The following ELOVL6 variants were observed in gnomAD, a reference collection of about 807,000 sequenced individuals.
ELOVL6 encodes the protein very long chain fatty acid elongase 6.
A neutral mutation model predicts 31.7 loss-of-function variants in ELOVL6; 8 were observed. The observed-to-expected ratio is 0.25, with a 90% confidence interval of 0.15 to 0.45. The LOEUF (loss-of-function observed/expected upper bound fraction) is 0.45. Among genes scored for constraint, ELOVL6 ranks in the 20% least tolerant of loss-of-function variants. The probability of loss-of-function intolerance (pLI) is 1.00; values close to 1 mark genes in which losing one functional copy is unlikely to be tolerated. For missense variants in ELOVL6, 126 were observed against 326.4 expected (o/e 0.39, Z 4.73); for synonymous variants, 101 against 117.7 (o/e 0.86, Z 0.92).
intron 1 of ELOVL6, among the ~76,000 whole-genome samples, chr4:110,186,820 A>ATATAT (rs1475836486): frequency 1.7e-3 from 163 of 94,606 alleles, no homozygotes; most frequent in Admixed American, 4.0e-3. Context: ...AAAAAAAAAA[A>ATATAT]AAATATATAT....
At chr4:110,106,666 A>G (rs6838079) in intron 1 of ELOVL6, among the ~76,000 whole-genome samples, 73,186 of 151,760 alleles carry the variant, frequency 0.48, 19,729 homozygotes, top group East Asian at 0.82. Context: ...CTTCTTAACT[A>G]TATCCTGTTT....
intron 1 of ELOVL6, among the ~76,000 whole-genome samples, chr4:110,157,917 G>A (rs1388322379): frequency 1.3e-5 from 2 of 152,152 alleles, no homozygotes; most frequent in Non-Finnish European, 2.9e-5. Flanking sequence ...CCAGCACTTT[G>A]TCTTTGACAG....
intron 1 of ELOVL6, among the ~76,000 whole-genome samples, chr4:110,122,900 CT>C (rs758641775): frequency 6.6e-6 from 1 of 152,200 alleles, no homozygotes; most frequent in Non-Finnish European, 1.5e-5. Flanking sequence ...AAGATACTCC[CT>C]GACTGCTTCT....
chr4:110,094,409 A>T (rs1560820537), intron 2 of ELOVL6, among the ~76,000 whole-genome samples: 1 of 41,066 alleles, frequency 2.4e-5, no homozygotes, highest in African/African-American at 1.3e-4. Flanking sequence ...AAAGAAATAT[A>T]TATATATATA....
At chr4:110,196,308 G>C (rs1759779522) in intron 1 of ELOVL6, among the ~76,000 whole-genome samples, 1 of 152,216 alleles carries the variant, frequency 6.6e-6, no homozygotes. Flanking sequence ...AGGCTAATGC[G>C]GGAGGACTGT....
At chr4:110,178,070 G>C (rs1432479740) in intron 1 of ELOVL6, among the ~76,000 whole-genome samples, 1 of 152,142 alleles carries the variant, frequency 6.6e-6, no homozygotes, top group Non-Finnish European at 1.5e-5. Flanking sequence ...CCTAAAAAGA[G>C]TGAGATGCAT....
intron 1 of ELOVL6, among the ~76,000 whole-genome samples, chr4:110,121,250 T>G (rs775146763): frequency 6.6e-6 from 1 of 152,240 alleles, no homozygotes; most frequent in Non-Finnish European, 1.5e-5. Context: ...CATATTGAGA[T>G]GTCATTTGAG....
chr4:110,061,156 G>GCA (rs1342964103), intron 2 of ELOVL6, among the ~76,000 whole-genome samples: 1 of 152,094 alleles, frequency 6.6e-6, no homozygotes, highest in Non-Finnish European at 1.5e-5. Context: ...ATCCTTCAGT[G>GCA]GTTTTTCTCT....
intron 1 of ELOVL6, among the ~76,000 whole-genome samples, chr4:110,197,610 C>T (rs1035217839): frequency 1.3e-5 from 2 of 152,132 alleles, no homozygotes; most frequent in African/African-American, 4.8e-5. Flanking sequence ...CCCCTCCTCC[C>T]TCCCACCCGG....
intron 2 of ELOVL6, among the ~76,000 whole-genome samples, chr4:110,063,270 C>T (rs1755197724): frequency 6.6e-6 from 1 of 152,122 alleles, no homozygotes. Context: ...TCTCTAGGAG[C>T]CGAGGATGGC....
chr4:110,168,712 G>A (rs1271975824), intron 1 of ELOVL6, among the ~76,000 whole-genome samples: 1 of 152,066 alleles, frequency 6.6e-6, no homozygotes, highest in Non-Finnish European at 1.5e-5. Context: ...AAGCAGGAGA[G>A]ACCCAGACTC....
chr4:110,090,338 T>C (rs1488070245), intron 2 of ELOVL6, among the ~76,000 whole-genome samples: 2 of 152,208 alleles, frequency 1.3e-5, no homozygotes, highest in Non-Finnish European at 2.9e-5. Context: ...TATCTACATG[T>C]AAACCTTCTA....
At chr4:110,169,016 C>T (rs1758862372) in intron 1 of ELOVL6, among the ~76,000 whole-genome samples, 3 of 152,220 alleles carry the variant, frequency 2.0e-5, no homozygotes, top group South Asian at 2.1e-4. Flanking sequence ...GGCTGGTTTG[C>T]AATGGCACCA....
At chr4:110,180,770 G>A (rs1374445950) in intron 1 of ELOVL6, among the ~76,000 whole-genome samples, 1 of 152,124 alleles carries the variant, frequency 6.6e-6, no homozygotes, top group Non-Finnish European at 1.5e-5. Context: ...GCTTAAGAAT[G>A]AAATTTTGTC....
rs1235167844 is a variant in ELOVL6, at chr4:110,047,181, A to T, written c.*4157T>A. 1 of 152,166 alleles carries T rather than the reference A, an allele frequency of 6.6e-6. No homozygotes were observed. Among genetic ancestry groups the T allele is most frequent in the Non-Finnish European group, 1.5e-5 (1 of 68,024 alleles). The allele number at this position is 152,166 out of a possible 1,614,324, so 9.4% of individuals were successfully genotyped here. A position where few individuals can be genotyped will look rare whatever the true frequency, so the allele number is the denominator to read the frequency against. The stretch of plus-strand genomic sequence containing the variant: ...TTTTTCATGATGGAAACTTTTAAGG[A>T]ATAAGTGTCTACAAGAGGTGGACAT... On this transcript the variant is annotated 3_prime_UTR_variant, in exon 4 of 4. Coordinates refer to ENST00000302274, the MANE Select transcript of ELOVL6 (RefSeq NM_024090.3).
chr4:110,189,615 G>A (rs77791252), intron 1 of ELOVL6, among the ~76,000 whole-genome samples: 1,684 of 104,468 alleles, frequency 0.016, 57 homozygotes, highest in African/African-American at 0.045. Context: ...AAAAAAAAAA[G>A]AGAGAGAGAG....
intron 3 of ELOVL6, among the ~76,000 whole-genome samples, chr4:110,058,861 C>T (rs1296983708): frequency 1.3e-5 from 2 of 152,140 alleles, no homozygotes; most frequent in Admixed American, 1.3e-4. Flanking sequence ...GCTAGCATTA[C>T]TCATGGATGT....
intron 1 of ELOVL6, among the ~76,000 whole-genome samples, chr4:110,156,820 C>T (rs565295456): frequency 1.4e-4 from 21 of 152,152 alleles, no homozygotes; most frequent in African/African-American, 3.9e-4. Flanking sequence ...ATAGGATTAA[C>T]GAGTATCTGC....
chr4:110,084,425 ACATATATCATATATGATATATCG>A (rs1224319573), intron 2 of ELOVL6, among the ~76,000 whole-genome samples: 2 of 63,664 alleles, frequency 3.1e-5, no homozygotes, highest in African/African-American at 2.5e-4. Context: ...ATGATATATC[ACATATATCATATATGATATATCG>A]CATATATCAT....
Sources: allele counts gnomAD v4.1 joint callset (sites outside exome capture counted in the v4.1 genomes callset), GRCh38; gene constraint gnomAD v4.1.1; transcripts MANE v1.5; gene names NCBI Gene and HGNC (gene_info 2026-07-23, HGNC 2026-07-21).